GRSF1: variants seen among roughly 807,000 people sequenced by gnomAD.
GRSF1 encodes the protein G-rich sequence factor 1.
GRSF1 carries 50 observed loss-of-function variants against 51.1 expected under a neutral mutation model. The observed-to-expected ratio is 0.98, with a 90% confidence interval of 0.78 to 1.24. The LOEUF is 1.24. Among genes scored for constraint, GRSF1 ranks in the 50% most tolerant of loss-of-function variants. The pLI, the probability that GRSF1 is intolerant of heterozygous loss-of-function variation, is 0.00. For synonymous variants in GRSF1, 293 were observed against 253.3 expected, an observed-to-expected ratio of 1.16 and a Z score of -1.49; for missense variants, 700 against 639.7, an observed-to-expected ratio of 1.09 and a Z score of -1.02.
chr4:70,825,268 G>T, intron 8 of GRSF1, 28 bp downstream of exon 8: 2 of 1,550,622 alleles, frequency 1.3e-6, no homozygotes, highest in Non-Finnish European at 1.8e-6. Context: ...CATCAAAAAT[G>T]ACAACAAAAG....
chr4:70,843,005 C>T (rs772230945), upstream of GRSF1, among the ~76,000 whole-genome samples: 1 of 152,160 alleles, frequency 6.6e-6, no homozygotes, highest in East Asian at 1.9e-4. Flanking sequence ...TGAGACCGCA[C>T]CACTGCACTC....
chr4:70,836,077 C>T, intron 2 of GRSF1, 81 bp downstream of exon 2: 1 of 789,718 alleles, frequency 1.3e-6, no homozygotes, highest in Non-Finnish European at 1.9e-6. Context: ...GACAAAATTA[C>T]ATACTTAAAA....
Position 70,831,668 on chromosome 4 carries a change from T to C in GRSF1, c.821A>G (p.Asn274Ser). 5 of 1,612,810 alleles carry C rather than the reference T, an allele frequency of 3.1e-6. No homozygotes were observed. Among genetic ancestry groups the C allele is most frequent in the Middle Eastern group, 1.6e-4 (1 of 6,062 alleles). Residue 274 changes from asparagine to serine, a missense_variant, in exon 5 of 10, where the codon AAT becomes AGT. Coordinates refer to ENST00000254799, the MANE Select transcript of GRSF1 (RefSeq NM_002092.4). ...CATCACAAAAGTAATGTCAACTATA[T>C]TCAGTCCTAGGACACCAAGAGATTT... ...KDIVDFFAGLNIVDITFVMDY... is the reference protein window; with the variant it reads ...KDIVDFFAGLSIVDITFVMDY...
At position 70,833,160 on chromosome 4, in the gene GRSF1, A is replaced by C; in HGVS notation, c.628T>G (p.Leu210Val). The C allele has an allele frequency of 6.2e-7, 1 of 1,613,910 alleles. No homozygotes were observed. The highest frequency in any genetic ancestry group is 8.5e-7 in the Non-Finnish European group (1 of 1,179,862). Residue 210 changes from leucine to valine, a missense_variant, in exon 3 of 10, where the codon TTA (leucine) becomes GTA (valine). Transcript: ENST00000254799. ...MESEQDVQKA[L>V]EKHRMYMGQR... ...CCCATGTACATGCGGTGCTTCTCTA[A>C]GGCTTTCTGCACATCCTGCTCTGAC...
chr4:70,839,054 T>C, intron 1 of GRSF1: 3 of 1,103,814 alleles, frequency 2.7e-6, no homozygotes, highest in Non-Finnish European at 3.6e-6. Flanking sequence ...CGCCCAGGCC[T>C]AGCGCTCGGG....
rs547152125 is a variant in GRSF1 at position 70,825,800 on chromosome 4, C to T, written c.1257+324G>A. On this transcript the variant is annotated intron_variant, in intron 7 of 9. Transcript: ENST00000254799. ...TACTAAAATTAGCCGGGCATGGTGG[C>T]GCCTGCCTGTAATCCCAGCTACTCG... 5.7e-5 allele frequency: 17 copies of T among 296,400 alleles called. 1 individual carries two copies. The highest frequency in any genetic ancestry group is 2.5e-4 in the African/African-American group (11 of 43,710). 18.4% of individuals were successfully genotyped at this position (296,400 alleles called of 1,614,324 possible).
rs750576594 is a variant in GRSF1, at chr4:70,839,536, G to C, written c.292C>G (p.Arg98Gly). 14 of 1,445,912 alleles carry C rather than the reference G, an allele frequency of 9.7e-6. No homozygotes were observed. Among genetic ancestry groups the C allele is most frequent in the Non-Finnish European group, 2.7e-6 (3 of 1,104,634 alleles). The allele number at this position is 1,445,912 out of a possible 1,614,324, so 89.6% of individuals were successfully genotyped here. The change falls in exon 1 of 10, where the codon CGT becomes GGT. Residue 98 changes from arginine (R) to glycine (G), a missense_variant. Transcript: ENST00000254799. ...AAAAASYSALRASLLPQSLAA... is the reference protein window; with the variant it reads ...AAAAASYSALGASLLPQSLAA... ...AGCGACTGCGGCAGCAGAGAGGCACGGAGGGCAGAGTAGGACGCGGCGGCC... is the reference window on the plus strand; with the variant it reads ...AGCGACTGCGGCAGCAGAGAGGCACCGAGGGCAGAGTAGGACGCGGCGGCC...
chr4:70,834,096 T>C (rs1052476839), intron 2 of GRSF1, among the ~76,000 whole-genome samples: 1 of 152,174 alleles, frequency 6.6e-6, no homozygotes, highest in Admixed American at 6.5e-5. Flanking sequence ...CTGTCTCTAC[T>C]AAAAATACAA....
At chr4:70,840,281 C>T (rs1036001708), upstream of GRSF1, among the ~76,000 whole-genome samples, 1 of 152,192 alleles carries the variant, frequency 6.6e-6, no homozygotes, top group Non-Finnish European at 1.5e-5. Flanking sequence ...AATCGAACTG[C>T]TCTTTTTTCA....
At position 70,818,780 on chromosome 4, in the gene GRSF1, AG is replaced by A. The variant is rs1044308103; in HGVS notation, c.*2106del. On this transcript the variant is annotated 3_prime_UTR_variant, in exon 10 of 10. Coordinates refer to ENST00000254799, the MANE Select transcript of GRSF1 (RefSeq NM_002092.4). ...ATTCTTCCTGATGGCTTTACCACAA[AG>A]GAAGTTATAGACACAAGGAACCCAA... 3.9e-5 allele frequency: 6 copies of A among 152,214 alleles called. No homozygotes were observed. Among genetic ancestry groups the A allele is most frequent in the African/African-American group, 1.2e-4 (5 of 41,456 alleles). 9.4% of individuals were successfully genotyped at this position (152,214 alleles called of 1,614,324 possible). A position where few individuals can be genotyped will look rare whatever the true frequency, so the allele number is the denominator to read the frequency against.
intron 2 of GRSF1, among the ~76,000 whole-genome samples, chr4:70,834,077 G>A (rs551688030): frequency 3.3e-5 from 5 of 152,194 alleles, no homozygotes; most frequent in African/African-American, 9.6e-5. Context: ...TGGCCAACAC[G>A]GCAAAACCCT....
intron 9 of GRSF1, among the ~76,000 whole-genome samples, chr4:70,823,974 CTCTTT>C (rs1733629986): frequency 4.0e-5 from 4 of 100,932 alleles, no homozygotes; most frequent in South Asian, 7.1e-4. Context: ...TTGTATCTCT[CTCTTT>C]TTTTTTTTTT....
rs1733425527 is a variant in GRSF1 at position 70,819,448 on chromosome 4, AC to A, written c.*1438del. On this transcript the variant is annotated 3_prime_UTR_variant, in exon 10 of 10. Transcript: ENST00000254799. ...ACACACACGAAAATTAACCCTTACT[AC>A]TTATATTAATATAGCAGGACTTGAG... 6.6e-6 allele frequency: 1 copy of A among 152,194 alleles called. No individual in the cohort carries two copies. The highest frequency in any genetic ancestry group is 6.6e-5 in the Admixed American group (1 of 15,262). The allele number at this position is 152,194 out of a possible 1,614,324, so 9.4% of individuals were successfully genotyped here.
chr4:70,838,723 A>G (rs947451499), intron 1 of GRSF1: 16 of 156,836 alleles, frequency 1.0e-4, no homozygotes, highest in African/African-American at 3.6e-4. Flanking sequence ...TAAAGAAAAA[A>G]TGGAAAGGAA....
At chr4:70,838,493 C>T (rs1015506194) in intron 1 of GRSF1, among the ~76,000 whole-genome samples, 1 of 152,164 alleles carries the variant, frequency 6.6e-6, no homozygotes, top group Admixed American at 6.6e-5. Flanking sequence ...ATTAGCTCAG[C>T]CACTGGCAGA....
chr4:70,819,694 C>T lies in GRSF1; in HGVS notation c.*1193G>A, dbSNP rs1313941267. 5 of 152,622 alleles carry T rather than the reference C, an allele frequency of 3.3e-5. No homozygotes were observed. The allele number at this position is 152,622 out of a possible 1,614,324, so 9.5% of individuals were successfully genotyped here. A position where few individuals can be genotyped will look rare whatever the true frequency, so the allele number is the denominator to read the frequency against. ...AATTTAATTTTAAGAACTAGAACTG[C>T]ATCTCCTGGTGGCAGTCGTCACCCT... On this transcript the variant is annotated 3_prime_UTR_variant, in exon 10 of 10. Transcript: ENST00000254799.
intron 2 of GRSF1, among the ~76,000 whole-genome samples, chr4:70,833,807 C>A (rs150680945): frequency 6.6e-6 from 1 of 152,122 alleles, no homozygotes; most frequent in East Asian, 1.9e-4. Context: ...GCATCAGCCA[C>A]CACACCCAGC....
rs752132157 is a variant in GRSF1, at chr4:70,833,130, G to A, written c.658C>T (p.Arg220Trp). Reference sequence around the variant, plus strand: ...TGACTTCACATACCTTCCACATACCGCTGGCCCATGTACATGCGGTGCTTC... The same window carrying A: ...TGACTTCACATACCTTCCACATACCACTGGCCCATGTACATGCGGTGCTTC... ...LEKHRMYMGQ[R>W]YVEVYEINNE... Residue 220 changes from arginine to tryptophan, a missense_variant, in exon 3 of 10, where the codon CGG (arginine) becomes TGG (tryptophan). By Grantham distance (101) the Arg-to-Trp change is moderately radical. Transcript: ENST00000254799. The A allele has an allele frequency of 3.0e-5, 49 of 1,613,434 alleles. 1 individual carries two copies. The Admixed American group carries it at 6.3e-4, about 21-fold the overall frequency.
At chr4:70,829,272 G>A (rs886181945) in intron 5 of GRSF1, among the ~76,000 whole-genome samples, 1 of 151,618 alleles carries the variant, frequency 6.6e-6, no homozygotes, top group African/African-American at 2.4e-5. Context: ...AAGATTAGAT[G>A]AGCACTACTT....
Sources: allele counts gnomAD v4.1 joint callset (sites outside exome capture counted in the v4.1 genomes callset), GRCh38; gene constraint gnomAD v4.1.1; transcripts MANE v1.5; gene names NCBI Gene and HGNC (gene_info 2026-07-23, HGNC 2026-07-21).